PRDM2: variants seen among roughly 807,000 people sequenced by gnomAD.
The protein encoded by PRDM2 is PR/SET domain 2.
A neutral mutation model predicts 130.0 loss-of-function variants in PRDM2; 30 were observed. The ratio of observed to expected loss-of-function variants is 0.23; its 90% CI spans 0.17 to 0.31. The LOEUF (loss-of-function observed/expected upper bound fraction) is 0.31. Among genes scored for constraint, PRDM2 ranks in the 10% least tolerant of loss-of-function variants. The probability of loss-of-function intolerance (pLI) is 1.00; values close to 1 mark genes in which losing one functional copy is unlikely to be tolerated. For missense variants in PRDM2, 2,011 were observed against 2,108.4 expected (o/e 0.95, Z 0.90); for synonymous variants, 871 against 782.4 (o/e 1.11, Z -1.89).
intron 9 of PRDM2, among the ~76,000 whole-genome samples, chr1:13,820,047 G>T (rs1159679573): frequency 6.6e-6 from 1 of 152,176 alleles, no homozygotes; most frequent in Non-Finnish European, 1.5e-5. Flanking sequence ...GCAGGTCAAA[G>T]CCCTCATTTT....
chr1:13,710,338 G>T (rs538665208), intron 1 of PRDM2, among the ~76,000 whole-genome samples: 1 of 152,276 alleles, frequency 6.6e-6, no homozygotes, highest in South Asian at 2.1e-4. Flanking sequence ...AGTTGTTGAG[G>T]TTGTGTTGAC....
chr1:13,747,345 TAC>T (rs1643641605), intron 5 of PRDM2, among the ~76,000 whole-genome samples: 1 of 152,230 alleles, frequency 6.6e-6, no homozygotes, highest in Non-Finnish European at 1.5e-5. Flanking sequence ...AGAGAAAGTA[TAC>T]ATTTGGAATT....
intron 8 of PRDM2, among the ~76,000 whole-genome samples, chr1:13,812,551 C>G (rs1043927162): frequency 6.6e-6 from 1 of 152,106 alleles, no homozygotes; most frequent in African/African-American, 2.4e-5. Flanking sequence ...CTGGTAGGGG[C>G]GGGAGCAAGG....
chr1:13,807,374 C>T (rs563119588), intron 8 of PRDM2, among the ~76,000 whole-genome samples: 98 of 152,336 alleles, frequency 6.4e-4, no homozygotes, highest in African/African-American at 2.0e-3. Context: ...GAGGTGCCTC[C>T]GTGACAAACC....
chr1:13,739,517 A>G (rs1206647211), intron 4 of PRDM2, among the ~76,000 whole-genome samples: 1 of 152,224 alleles, frequency 6.6e-6, no homozygotes, highest in South Asian at 2.1e-4. Context: ...AAATCGTGCC[A>G]TATAATCTAA....
At chr1:13,746,850 C>T (rs1166599058) in intron 5 of PRDM2, among the ~76,000 whole-genome samples, 1 of 152,188 alleles carries the variant, frequency 6.6e-6, no homozygotes, top group African/African-American at 2.4e-5. Flanking sequence ...AGCCACTATG[C>T]CCGCTAATAA....
At chr1:13,782,871 C>T (rs372215012) in intron 8 of PRDM2, 40 bp downstream of exon 8, 103 of 1,600,164 alleles carry the variant, frequency 6.4e-5, no homozygotes, top group African/African-American at 9.5e-5. Flanking sequence ...ACCGGGAAGG[C>T]GACAGTATCC....
At chr1:13,710,509 A>C (rs1297458621) in intron 1 of PRDM2, among the ~76,000 whole-genome samples, 3 of 152,250 alleles carry the variant, frequency 2.0e-5, no homozygotes, top group African/African-American at 7.2e-5. Context: ...TTAAGTGCAT[A>C]TACTCATGTT....
intron 1 of PRDM2, chr1:13,704,946 T>C (rs540088343): frequency 6.6e-6 from 1 of 152,352 alleles, no homozygotes; most frequent in African/African-American, 2.4e-5. Flanking sequence ...TTACAGTACA[T>C]CTGAAAGTAG....
chr1:13,721,424 A>G (rs1364144402), intron 2 of PRDM2, among the ~76,000 whole-genome samples: 2 of 151,898 alleles, frequency 1.3e-5, no homozygotes, highest in Non-Finnish European at 2.9e-5. Context: ...TTTTATAGAT[A>G]ATTATAAATA....
rs1570103241 is a variant in PRDM2 at position 13,806,960 on chromosome 1, C to T, written c.5037-9467C>T. Among the ~76,000 whole-genome samples, 1 of 152,168 alleles carries T rather than the reference C, an allele frequency of 6.6e-6. No homozygotes were observed. The highest frequency in any genetic ancestry group is 2.4e-5 in the African/African-American group (1 of 41,426). On this transcript the variant is annotated intron_variant, in intron 8 of 9. Transcript: ENST00000311066. This position sits in a 1 kb window ranked among gnomAD's most constrained non-coding sequence, Gnocchi z 4.1. ...ACCGATTGATCCCCCCACCCCAGGT[C>T]GTAGCCCACACACTGCCGTTTCCCA...
At chr1:13,797,736 C>T (rs1210291930) in intron 8 of PRDM2, among the ~76,000 whole-genome samples, 3 of 152,174 alleles carry the variant, frequency 2.0e-5, no homozygotes, top group Non-Finnish European at 4.4e-5. Context: ...AAAAAATCAC[C>T]TGGGTGATTA....
chr1:13,786,892 T>C (rs1456780963), intron 8 of PRDM2: 2 of 1,031,198 alleles, frequency 1.9e-6, no homozygotes, highest in Non-Finnish European at 2.3e-6. Flanking sequence ...GCAAAGCAAG[T>C]TGCCTGTTTT....
At chr1:13,764,379 T>C (rs899500885) in intron 6 of PRDM2, among the ~76,000 whole-genome samples, 1 of 152,230 alleles carries the variant, frequency 6.6e-6, no homozygotes, top group Non-Finnish European at 1.5e-5. Context: ...AAATTGATTA[T>C]GAAGTAGAAC....
At chr1:13,821,431 CATTTATTT>C (rs112704883) in intron 9 of PRDM2, among the ~76,000 whole-genome samples, 3,952 of 138,244 alleles carry the variant, frequency 0.029, 70 homozygotes, top group African/African-American at 0.033. Context: ...ATGCAGTGAA[CATTTATTT>C]ATTTATTTAT....
intron 6 of PRDM2, among the ~76,000 whole-genome samples, chr1:13,761,157 G>A (rs1644088389): frequency 6.6e-6 from 1 of 152,342 alleles, no homozygotes; most frequent in African/African-American, 2.4e-5. Context: ...ATTTGCCTGG[G>A]CAGAAGCAAA....
intron 8 of PRDM2, chr1:13,788,120 T>C: frequency 1.1e-6 from 1 of 950,420 alleles, no homozygotes; most frequent in Non-Finnish European, 1.3e-6. Context: ...TGGGAGCAGT[T>C]AGGGGGTAAA....
chr1:13,804,563 G>C (rs1232725218), intron 8 of PRDM2, among the ~76,000 whole-genome samples: 1 of 152,092 alleles, frequency 6.6e-6, no homozygotes, highest in Non-Finnish European at 1.5e-5. Context: ...GTGGGTGGGA[G>C]CTGAGAGTCT....
intron 4 of PRDM2, among the ~76,000 whole-genome samples, chr1:13,740,723 G>C (rs1643412286): frequency 6.6e-6 from 1 of 152,210 alleles, no homozygotes; most frequent in Non-Finnish European, 1.5e-5. Flanking sequence ...AGGGTTAAAT[G>C]AGATAATATG....
Sources: allele counts gnomAD v4.1 joint callset (sites outside exome capture counted in the v4.1 genomes callset), GRCh38; gene constraint gnomAD v4.1.1; non-coding constraint Gnocchi (gnomAD v3.1); transcripts MANE v1.5; gene names NCBI Gene and HGNC (gene_info 2026-07-23, HGNC 2026-07-21).